The following CTNNA3 variants were observed in gnomAD, a reference collection of about 807,000 sequenced individuals.
CTNNA3 encodes catenin alpha-3.
CTNNA3 carries 76 observed loss-of-function variants against 95.7 expected under a neutral mutation model. The observed-to-expected ratio is 0.79, with a 90% CI of 0.66 to 0.96. CTNNA3 has a LOEUF of 0.96. Ranked by LOEUF, CTNNA3 falls within the 40% of genes least tolerant of loss-of-function variation. CTNNA3 has a pLI of 0.00. For synonymous variants in CTNNA3, 431 were observed against 374.4 expected, an observed-to-expected ratio of 1.15 and a Z score of -1.74; for missense variants, 1,191 against 1,089.8, an observed-to-expected ratio of 1.09 and a Z score of -1.31.
rs1368157012 is a variant in CTNNA3 at position 65,919,523 on chromosome 10, G to C, written c.*807C>G. Reference sequence around the variant, plus strand: ...TATAACTCACTTTGGGATATAGTTTGTTGTCTCATTTTCCCAATGGGTGAT... The same window carrying C: ...TATAACTCACTTTGGGATATAGTTTCTTGTCTCATTTTCCCAATGGGTGAT... On this transcript the variant is annotated 3_prime_UTR_variant, in exon 18 of 18. Transcript: ENST00000433211. 2 of 152,102 alleles carry C rather than the reference G, an allele frequency of 1.3e-5. No individual in the cohort carries two copies. The highest frequency in any genetic ancestry group is 4.8e-5 in the African/African-American group (2 of 41,432). The allele number at this position is 152,102 out of a possible 1,614,324, so 9.4% of individuals were successfully genotyped here.
At chr10:67,226,369 A>T (rs1864912961) in intron 5 of CTNNA3, among the ~76,000 whole-genome samples, 1 of 152,176 alleles carries the variant, frequency 6.6e-6, no homozygotes, top group Non-Finnish European at 1.5e-5. Flanking sequence ...AAGAAACACA[A>T]AGAACACCTG....
rs147492911 is a variant in CTNNA3 at position 66,740,148 on chromosome 10, G to T, written c.1281+26116C>A. Among the ~76,000 whole-genome samples the T allele has an allele frequency of 5.5e-3, 840 of 152,266 alleles. 12 individuals are homozygous for T. Among genetic ancestry groups the T allele is most frequent in the African/African-American group, 0.019 (801 of 41,542 alleles). ...GGGGGACTTTATTAAAAAGAAAATG[G>T]TATTAATGTTTTAGTCCTGTTAATA... On this transcript the variant is annotated intron_variant, in intron 9 of 17. Coordinates refer to ENST00000433211, the MANE Select transcript of CTNNA3 (RefSeq NM_013266.4).
intron 7 of CTNNA3, among the ~76,000 whole-genome samples, chr10:67,095,812 T>C (rs1857955407): frequency 2.0e-5 from 3 of 151,858 alleles, no homozygotes; most frequent in Admixed American, 6.6e-5. Context: ...CCAGTAACAG[T>C]TCTATTTTTG....
At chr10:67,352,939 T>C (rs1842686286) in intron 5 of CTNNA3, among the ~76,000 whole-genome samples, 1 of 151,932 alleles carries the variant, frequency 6.6e-6, no homozygotes, top group South Asian at 2.1e-4. Flanking sequence ...ATGTACACAA[T>C]GGCCAACTAG....
chr10:66,715,979 A>G (rs942929300), intron 9 of CTNNA3, among the ~76,000 whole-genome samples: 1 of 152,154 alleles, frequency 6.6e-6, no homozygotes, highest in Non-Finnish European at 1.5e-5. Flanking sequence ...ACTGAAATGC[A>G]TATAAGGAAT....
At chr10:67,368,585 G>A (rs978737740) in intron 5 of CTNNA3, among the ~76,000 whole-genome samples, 5 of 152,222 alleles carry the variant, frequency 3.3e-5, no homozygotes, top group East Asian at 1.9e-4. Context: ...AGTTGTACTC[G>A]TAATAGCCTA....
intron 16 of CTNNA3, among the ~76,000 whole-genome samples, chr10:65,985,638 T>G (rs2078412094): frequency 6.6e-6 from 1 of 151,440 alleles, no homozygotes; most frequent in Admixed American, 6.6e-5. Flanking sequence ...CCTAACATTA[T>G]AACATTTTAA....
In CTNNA3 at chr10:67,708,546, A is replaced by G. The variant is rs1841090381; in HGVS notation, c.-2+54888T>C. 2.0e-5 allele frequency among the ~76,000 whole-genome samples: 3 copies of G among 152,178 alleles called. No homozygotes were observed. The South Asian group carries it at 6.2e-4, about 31-fold the overall frequency. Reference sequence around the variant, plus strand: ...AATTATTTGAACAGGGCTTTATTATACCACTTCTGAAGCATTAACACACTT... The same window carrying G: ...AATTATTTGAACAGGGCTTTATTATGCCACTTCTGAAGCATTAACACACTT... On this transcript the variant is annotated intron_variant, in intron 1 of 17. Coordinates refer to the CTNNA3 transcript ENST00000684154.
chr10:66,546,441 T>G (rs968853727), intron 10 of CTNNA3, among the ~76,000 whole-genome samples: 1 of 152,166 alleles, frequency 6.6e-6, no homozygotes, highest in African/African-American at 2.4e-5. Flanking sequence ...CTTGATTCAG[T>G]ACAACATGGT....
At chr10:67,646,221 T>A (rs1167079112) in intron 2 of CTNNA3, among the ~76,000 whole-genome samples, 1 of 151,218 alleles carries the variant, frequency 6.6e-6, no homozygotes, top group Non-Finnish European at 1.5e-5. Context: ...CTCACTATGT[T>A]GCCCAGGCTG....
chr10:67,079,897 A>G (rs1856960318), intron 7 of CTNNA3, among the ~76,000 whole-genome samples: 1 of 151,120 alleles, frequency 6.6e-6, no homozygotes, highest in Admixed American at 6.6e-5. Context: ...ACACACACAC[A>G]CACACACACA....
chr10:67,516,645 T>C (rs1241211581), intron 5 of CTNNA3, among the ~76,000 whole-genome samples: 1 of 152,232 alleles, frequency 6.6e-6, no homozygotes, highest in African/African-American at 2.4e-5. Context: ...CATTTTGTAA[T>C]GACTACCACC....
intron 9 of CTNNA3, among the ~76,000 whole-genome samples, chr10:66,644,422 T>C (rs186624379): frequency 7.1e-4 from 105 of 147,718 alleles, no homozygotes; most frequent in African/African-American, 2.5e-3. Flanking sequence ...CCAAGTCTCT[T>C]ACTTGATCCA....
At chr10:67,031,785 A>T (rs760262075) in intron 7 of CTNNA3, among the ~76,000 whole-genome samples, 7 of 152,228 alleles carry the variant, frequency 4.6e-5, no homozygotes, top group African/African-American at 1.2e-4. Flanking sequence ...CTCTGTTCTT[A>T]GAGTTCTGCA....
chr10:67,249,161 GAAT>G (rs1205462102), intron 5 of CTNNA3, among the ~76,000 whole-genome samples: 3 of 152,022 alleles, frequency 2.0e-5, no homozygotes, highest in East Asian at 3.9e-4. Context: ...ACAATATACA[GAAT>G]AATAGAAAAT....
intron 1 of CTNNA3, among the ~76,000 whole-genome samples, chr10:67,727,566 A>G (rs1021881860): frequency 4.7e-5 from 6 of 128,598 alleles, no homozygotes; most frequent in Non-Finnish European, 7.8e-5. Flanking sequence ...ATAATATATA[A>G]TATGTAGCAT....
At position 66,794,293 on chromosome 10, in the gene CTNNA3, T is replaced by C. The variant is rs552739334; in HGVS notation, c.1048-18769A>G. 1.7e-3 allele frequency among the ~76,000 whole-genome samples: 256 copies of C among 152,208 alleles called. 1 individual carries two copies. In the Middle Eastern group the frequency reaches 0.017, roughly 10 times the overall value. On this transcript the variant is annotated intron_variant, in intron 7 of 17. Coordinates refer to ENST00000433211, the MANE Select transcript of CTNNA3 (RefSeq NM_013266.4). ...ATCAAGTACAGGAATACCTCAAAGA[T>C]ATTCGGGTTCAGTTCCATACCAACA...
At chr10:67,413,557 C>T (rs1845447775) in intron 5 of CTNNA3, among the ~76,000 whole-genome samples, 1 of 152,054 alleles carries the variant, frequency 6.6e-6, no homozygotes, top group Non-Finnish European at 1.5e-5. Flanking sequence ...AACAAAGAAA[C>T]TCTGGACTTC....
intron 5 of CTNNA3, among the ~76,000 whole-genome samples, chr10:67,517,463 C>T (rs1306712592): frequency 6.6e-6 from 1 of 151,752 alleles, no homozygotes; most frequent in Non-Finnish European, 1.5e-5. Context: ...ATTATGTACC[C>T]TTCTGGCTTT....
Sources: gnomAD v4.1 joint callset for allele counts (sites outside exome capture counted in the v4.1 genomes callset) on GRCh38, gnomAD v4.1.1 for gene constraint, MANE v1.5 for transcripts, NCBI Gene and HGNC (gene_info 2026-07-23, HGNC 2026-07-21) for gene names.